The following OPCML variants were observed in gnomAD, a reference collection of about 807,000 sequenced individuals.
OPCML encodes the protein opioid-binding protein/cell adhesion molecule.
A neutral mutation model predicts 37.8 loss-of-function variants in OPCML; 13 were observed. The observed-to-expected ratio is 0.34, with a 90% CI of 0.22 to 0.55. OPCML has a LOEUF of 0.55. OPCML is among the 20% of genes least tolerant of loss of function. OPCML has a pLI of 0.91. For synonymous variants in OPCML, 176 were observed against 168.8 expected (o/e 1.04, Z -0.33); for missense variants, 341 against 435.6 (o/e 0.78, Z 1.93).
At chr11:133,434,328 GT>G (rs1946187811) in intron 1 of OPCML, among the ~76,000 whole-genome samples, 1 of 152,052 alleles carries the variant, frequency 6.6e-6, no homozygotes, top group Admixed American at 6.6e-5. Context: ...CCTCCTCCCT[GT>G]AGTCTTCCTC....
In OPCML at chr11:133,206,665, G is replaced by A. The variant is rs1939074487; in HGVS notation, c.62-263655C>T. On this transcript the variant is annotated intron_variant, in intron 1 of 7. Coordinates refer to ENST00000524381, the MANE Select transcript of OPCML (RefSeq NM_001012393.5). The surrounding 1 kb of genome is among the most constrained non-coding windows in gnomAD (Gnocchi z 4.7). ...AGATCACTAGGGCCGAGCAAAGGCT[G>A]TGCTCTCCTGCTCGATGAAGCTTCT... 6.6e-6 allele frequency among the ~76,000 whole-genome samples: 1 copy of A among 152,184 alleles called. No individual in the cohort carries two copies. Among genetic ancestry groups the A allele is most frequent in the Non-Finnish European group, 1.5e-5 (1 of 68,038 alleles).
intron 1 of OPCML, among the ~76,000 whole-genome samples, chr11:133,435,227 T>C (rs951466727): frequency 6.6e-6 from 1 of 152,328 alleles, no homozygotes; most frequent in African/African-American, 2.4e-5. Context: ...TGGGGATTGA[T>C]GAAGGTCTCA....
chr11:132,456,129 C>T (rs973653096), intron 4 of OPCML, among the ~76,000 whole-genome samples: 3 of 152,146 alleles, frequency 2.0e-5, no homozygotes, highest in Admixed American at 6.5e-5. Context: ...CTTTCTCTAA[C>T]CCTCACAGAG....
intron 1 of OPCML, among the ~76,000 whole-genome samples, chr11:133,137,880 A>G (rs2137152787): frequency 6.6e-6 from 1 of 152,330 alleles, no homozygotes; most frequent in African/African-American, 2.4e-5. Context: ...TGAACAGTCT[A>G]GAGAGGTTTG....
chr11:132,481,174 A>C (rs1355687397), intron 4 of OPCML, among the ~76,000 whole-genome samples: 1 of 152,172 alleles, frequency 6.6e-6, no homozygotes, highest in Non-Finnish European at 1.5e-5. Flanking sequence ...TATTCAGGAA[A>C]CCTATCTCAT....
chr11:133,108,464 G>A (rs145224922), intron 1 of OPCML, among the ~76,000 whole-genome samples: 231 of 152,208 alleles, frequency 1.5e-3, no homozygotes, highest in Admixed American at 4.3e-3. Context: ...ATACATCAAG[G>A]AGGAAATACC....
intron 4 of OPCML, among the ~76,000 whole-genome samples, chr11:132,510,293 CTTGTCTTG>C (rs1363701892): frequency 6.6e-6 from 1 of 152,090 alleles, no homozygotes; most frequent in African/African-American, 2.4e-5. Context: ...GTGGAAGGGA[CTTGTCTTG>C]TCTCAGATGA....
chr11:132,676,214 G>A (rs1036875852), intron 2 of OPCML, among the ~76,000 whole-genome samples: 4 of 152,042 alleles, frequency 2.6e-5, no homozygotes, highest in Non-Finnish European at 4.4e-5. Context: ...TTAAAGAAAT[G>A]GTGCTGGGAC....
chr11:132,555,579 C>G (rs11223118), intron 3 of OPCML, among the ~76,000 whole-genome samples: 52,275 of 151,938 alleles, frequency 0.34, 10,320 homozygotes, highest in Non-Finnish European at 0.45. Context: ...CAAAGGGGAA[C>G]CAGCCAATCT....
At chr11:132,933,460 G>A (rs564416561) in intron 2 of OPCML, among the ~76,000 whole-genome samples, 1 of 152,186 alleles carries the variant, frequency 6.6e-6, no homozygotes, top group East Asian at 1.9e-4. Flanking sequence ...AACTATTTAG[G>A]GAGATATTAG....
intron 1 of OPCML, among the ~76,000 whole-genome samples, chr11:133,039,113 C>T (rs182011268): frequency 8.5e-5 from 13 of 152,286 alleles, no homozygotes; most frequent in Middle Eastern, 3.4e-3. Flanking sequence ...GCCTTTTCAG[C>T]GCCTTCAGAG....
intron 3 of OPCML, among the ~76,000 whole-genome samples, chr11:132,568,986 A>G (rs1440585775): frequency 6.6e-6 from 1 of 152,240 alleles, no homozygotes; most frequent in Non-Finnish European, 1.5e-5. Flanking sequence ...GAGGAAAGCC[A>G]TTATGGATCG....
intron 4 of OPCML, among the ~76,000 whole-genome samples, chr11:132,492,999 G>T (rs1019318955): frequency 3.9e-5 from 6 of 152,218 alleles, no homozygotes; most frequent in Non-Finnish European, 8.8e-5. Flanking sequence ...ATAAATACTG[G>T]ATGGATGATT....
chr11:132,710,880 G>A (rs139634075), intron 2 of OPCML, among the ~76,000 whole-genome samples: 4 of 151,706 alleles, frequency 2.6e-5, no homozygotes, highest in Admixed American at 2.0e-4. Flanking sequence ...AAAGAAAAAG[G>A]AAAAAAAGTG....
intron 4 of OPCML, among the ~76,000 whole-genome samples, chr11:132,448,506 G>C (rs1027831962): frequency 7.2e-5 from 11 of 152,190 alleles, no homozygotes; most frequent in Non-Finnish European, 1.0e-4. Context: ...GAAAGGATCA[G>C]GAGCTGTGCA....
At chr11:132,866,150 G>A (rs890286359) in intron 2 of OPCML, among the ~76,000 whole-genome samples, 1 of 151,836 alleles carries the variant, frequency 6.6e-6, no homozygotes, top group Admixed American at 6.6e-5. Flanking sequence ...ATTATAGGTA[G>A]CACTTCCACA....
At chr11:133,378,730 CT>C (rs1321733756) in intron 1 of OPCML, among the ~76,000 whole-genome samples, 3 of 118,136 alleles carry the variant, frequency 2.5e-5, no homozygotes, top group East Asian at 2.3e-4. Context: ...CTTTTTTTGT[CT>C]TTTTTTGTTT....
chr11:133,154,552 A>T (rs908836967), intron 1 of OPCML, among the ~76,000 whole-genome samples: 1 of 151,912 alleles, frequency 6.6e-6, no homozygotes, highest in African/African-American at 2.4e-5. Flanking sequence ...TATCAGCATT[A>T]AAAAATAATA....
At chr11:133,399,416 A>T (rs1162442597) in intron 1 of OPCML, among the ~76,000 whole-genome samples, 1 of 152,146 alleles carries the variant, frequency 6.6e-6, no homozygotes, top group Non-Finnish European at 1.5e-5. Flanking sequence ...AACAGCTAAC[A>T]TGTCTAACAC....
Sources: allele counts gnomAD v4.1 joint callset (sites outside exome capture counted in the v4.1 genomes callset), GRCh38; gene constraint gnomAD v4.1.1; non-coding constraint Gnocchi (gnomAD v3.1); transcripts MANE v1.5; gene names NCBI Gene and HGNC (gene_info 2026-07-23, HGNC 2026-07-21).